VSTM4: variants seen among roughly 807,000 people sequenced by gnomAD.
The protein encoded by VSTM4 is V-set and transmembrane domain-containing protein 4.
A neutral mutation model predicts 36.4 loss-of-function variants in VSTM4; 20 were observed. The ratio of observed to expected loss-of-function variants is 0.55; its 90% CI spans 0.39 to 0.80. VSTM4 has a LOEUF of 0.80. Among genes scored for constraint, VSTM4 ranks in the 30% least tolerant of loss-of-function variants. The pLI, the probability that VSTM4 is intolerant of heterozygous loss-of-function variation, is 0.00. For missense variants in VSTM4, 392 were observed against 404.5 expected (o/e 0.97, Z 0.26); for synonymous variants, 182 against 173.9 (o/e 1.05, Z -0.37).
rs572607241 is a variant in VSTM4, at chr10:49,073,359, AG to A, written c.634+3859del. Reference sequence around the variant, plus strand: ...TGGAAGGTACAGGGCTTAGATTCAGAGGAAGTGGGGTATGGGTCCTGAGCAA... The same window carrying A: ...TGGAAGGTACAGGGCTTAGATTCAGAGAAGTGGGGTATGGGTCCTGAGCAA... On this transcript the variant is annotated intron_variant, in intron 4 of 7. Transcript: ENST00000332853. Among the ~76,000 whole-genome samples, 9 of 152,300 alleles carry A rather than the reference AG, an allele frequency of 5.9e-5. No homozygotes were observed. The South Asian group carries it at 6.2e-4, about 11-fold the overall frequency.
intron 2 of VSTM4, among the ~76,000 whole-genome samples, chr10:49,086,558 A>T (rs938122165): frequency 2.0e-5 from 3 of 152,250 alleles, no homozygotes; most frequent in African/African-American, 7.2e-5. Flanking sequence ...GCCTGCTTTC[A>T]ACAGGCAGGG....
chr10:49,115,416 C>T lies in VSTM4; in HGVS notation c.55+15G>A. 1 of 1,030,256 alleles carries T rather than the reference C, an allele frequency of 9.7e-7. No homozygotes were observed. Among genetic ancestry groups the T allele is most frequent in the Non-Finnish European group, 1.2e-6 (1 of 857,690 alleles). 63.8% of individuals were successfully genotyped at this position (1,030,256 alleles called of 1,614,324 possible). A position where few individuals can be genotyped will look rare whatever the true frequency, so the allele number is the denominator to read the frequency against. ...CCCCACCCTTCCCGCTCCCGCCTGG[C>T]CCCGCCGCGCTTACCCGGAGCCGGA... On this transcript the variant is annotated intron_variant, in intron 1 of 7. Coordinates refer to ENST00000332853, the MANE Select transcript of VSTM4 (RefSeq NM_001031746.5).
At chr10:49,065,903 C>T (rs1223075002) in intron 4 of VSTM4, among the ~76,000 whole-genome samples, 1 of 151,912 alleles carries the variant, frequency 6.6e-6, no homozygotes, top group Non-Finnish European at 1.5e-5. Context: ...TACCTAAACT[C>T]TTTCTGTATT....
chr10:49,079,166 A>G (rs1014157822), intron 3 of VSTM4, among the ~76,000 whole-genome samples: 1 of 152,132 alleles, frequency 6.6e-6, no homozygotes, highest in African/African-American at 2.4e-5. Flanking sequence ...ATCTCAAAAT[A>G]AAAAGTTGTC....
At chr10:49,092,185 T>C (rs555324785) in intron 2 of VSTM4, among the ~76,000 whole-genome samples, 2 of 152,322 alleles carry the variant, frequency 1.3e-5, no homozygotes, top group Admixed American at 6.5e-5. Flanking sequence ...AAGAATCAAC[T>C]GGGCTCTTAT....
Position 49,107,698 on chromosome 10 carries a change from T to G in VSTM4, c.353A>C (p.Gln118Pro). The G allele has an allele frequency of 6.2e-7, 1 of 1,614,218 alleles. No individual in the cohort carries two copies. The highest frequency in any genetic ancestry group is 8.5e-7 in the Non-Finnish European group (1 of 1,180,032). ...GACGTAATGCCCTTGATCGGAGGGC[T>G]GCAGTGTCAAGACGGAGAGCCTGTA... ...ALYRLSVLTLQPSDQGHYVCR... is the reference protein window; with the variant it reads ...ALYRLSVLTLPPSDQGHYVCR... The change falls in exon 2 of 8, where the codon CAG (glutamine) becomes CCG (proline). Residue 118 changes from glutamine (Q) to proline (P), a missense_variant. Physicochemically the swap from Gln to Pro is moderately conservative, Grantham distance 76. Coordinates refer to ENST00000332853, the MANE Select transcript of VSTM4 (RefSeq NM_001031746.5).
At chr10:49,063,193 A>T (rs1333652916) in intron 5 of VSTM4, among the ~76,000 whole-genome samples, 2 of 152,128 alleles carry the variant, frequency 1.3e-5, no homozygotes, top group African/African-American at 4.8e-5. Flanking sequence ...GCAAAAATAT[A>T]GCTGGGCATG....
Position 49,017,640 on chromosome 10 carries a change from G to A in VSTM4, c.*2010C>T, listed in dbSNP as rs981540976. The A allele has an allele frequency of 6.6e-6, 1 of 152,116 alleles. No individual in the cohort carries two copies. The highest frequency in any genetic ancestry group is 2.4e-5 in the African/African-American group (1 of 41,394). The allele number at this position is 152,116 out of a possible 1,614,324, so 9.4% of individuals were successfully genotyped here. The stretch of plus-strand genomic sequence containing the variant: ...TGAAGTTCATTTCCGTTCTGTAGAG[G>A]CCTAAGGGGCCTGGGAAGATATTAC... On this transcript the variant is annotated 3_prime_UTR_variant, in exon 8 of 8. Transcript: ENST00000332853.
At chr10:49,035,666 C>CCA (rs1843417268) in intron 7 of VSTM4, among the ~76,000 whole-genome samples, 1 of 11,544 alleles carries the variant, frequency 8.7e-5, no homozygotes, top group Non-Finnish European at 3.2e-4. Context: ...GATCCCAGCT[C>CCA]CACAAAAAAA....
At chr10:49,051,110 C>T (rs1843690885) in intron 5 of VSTM4, among the ~76,000 whole-genome samples, 1 of 152,186 alleles carries the variant, frequency 6.6e-6, no homozygotes, top group African/African-American at 2.4e-5. Context: ...ACAGTATATT[C>T]TATGGGTTTG....
intron 7 of VSTM4, among the ~76,000 whole-genome samples, chr10:49,039,469 C>T (rs868147687): frequency 5.3e-5 from 8 of 152,130 alleles, no homozygotes; most frequent in East Asian, 1.9e-4. Flanking sequence ...AGGATGCAAG[C>T]GCTTCCCTGG....
intron 2 of VSTM4, among the ~76,000 whole-genome samples, chr10:49,088,797 C>T (rs1351306348): frequency 6.6e-6 from 1 of 152,240 alleles, no homozygotes; most frequent in Non-Finnish European, 1.5e-5. Context: ...TAAGAAGGTC[C>T]TGATGAAGAC....
intron 6 of VSTM4, among the ~76,000 whole-genome samples, chr10:49,047,419 C>T (rs1843629289): frequency 6.6e-6 from 1 of 152,124 alleles, no homozygotes; most frequent in African/African-American, 2.4e-5. Context: ...CTCACAGCAG[C>T]CCTGTGAGGT....
intron 7 of VSTM4, among the ~76,000 whole-genome samples, chr10:49,029,718 T>G (rs1254842979): frequency 2.0e-5 from 3 of 152,224 alleles, no homozygotes; most frequent in Admixed American, 6.5e-5. Flanking sequence ...ATGAATTGTT[T>G]GAGGTTTTGG....
rs1289696006 is a variant in VSTM4, at chr10:49,053,595, G to C, written c.669-5011C>G. ...CCTAAATTAGATGGGGTGTGAAACA[G>C]CTAAATAGCAACTGACCCTAGTCTC... On this transcript the variant is annotated intron_variant, in intron 5 of 7. Transcript: ENST00000332853. Among the ~76,000 whole-genome samples, 4 of 152,212 alleles carry C rather than the reference G, an allele frequency of 2.6e-5. No individual in the cohort carries two copies. The East Asian group carries it at 7.7e-4, about 29-fold the overall frequency.
intron 7 of VSTM4, among the ~76,000 whole-genome samples, chr10:49,022,527 C>T (rs1039565553): frequency 2.0e-5 from 3 of 152,200 alleles, no homozygotes; most frequent in South Asian, 2.1e-4. Flanking sequence ...GTGACCTAGA[C>T]GAATTGTCTA....
At chr10:49,060,791 A>AT in intron 5 of VSTM4, among the ~76,000 whole-genome samples, 1 of 152,276 alleles carries the variant, frequency 6.6e-6, no homozygotes, top group East Asian at 1.9e-4. Flanking sequence ...AAATGTTGTA[A>AT]TTTTAGCTTT....
chr10:49,027,462 T>C (rs1236080354), intron 7 of VSTM4, among the ~76,000 whole-genome samples: 1 of 152,156 alleles, frequency 6.6e-6, no homozygotes, highest in East Asian at 1.9e-4. Context: ...TTTATTTGTT[T>C]TAAATGACAT....
At chr10:49,100,042 GGAAAAGGAAAAA>G (rs1844639680) in intron 2 of VSTM4, among the ~76,000 whole-genome samples, 1 of 151,986 alleles carries the variant, frequency 6.6e-6, no homozygotes, top group Admixed American at 6.6e-5. Flanking sequence ...GAAAAAGGAA[GGAAAAGGAAAAA>G]GAAAAGGAAA....
Sources: allele counts gnomAD v4.1 joint callset (sites outside exome capture counted in the v4.1 genomes callset), GRCh38; gene constraint gnomAD v4.1.1; transcripts MANE v1.5; gene names NCBI Gene and HGNC (gene_info 2026-07-23, HGNC 2026-07-21).